Variants in RALGPS1 observed in about 807,000 individuals in gnomAD.
The protein encoded by RALGPS1 is ras-specific guanine nucleotide-releasing factor RalGPS1.
In RALGPS1, 19 loss-of-function variants were observed where a neutral mutation model predicts 78.8. The observed-to-expected ratio is 0.24, with a 90% CI of 0.17 to 0.35. RALGPS1 has a LOEUF of 0.35. RALGPS1 is among the 10% of genes least tolerant of loss of function. The pLI is 1.00. For synonymous variants in RALGPS1, 228 were observed against 256.3 expected, an observed-to-expected ratio of 0.89 and a Z score of 1.06; for missense variants, 454 against 688.3, an observed-to-expected ratio of 0.66 and a Z score of 3.81.
At chr9:127,121,778 G>A (rs1010243745) in intron 8 of RALGPS1, among the ~76,000 whole-genome samples, 24 of 152,170 alleles carry the variant, frequency 1.6e-4, no homozygotes, top group African/African-American at 4.6e-4. Context: ...TGCTCTCCTC[G>A]CCAGCTGGAG....
At chr9:126,991,219 C>T (rs1267121599) in intron 4 of RALGPS1, among the ~76,000 whole-genome samples, 1 of 152,150 alleles carries the variant, frequency 6.6e-6, no homozygotes. Flanking sequence ...TCCCCAACTC[C>T]ATTTATTTCA....
rs146231758 is a variant in RALGPS1, at chr9:127,172,776, G to T, written c.843-1939G>T. Among the ~76,000 whole-genome samples, 999 of 151,688 alleles carry T rather than the reference G, an allele frequency of 6.6e-3. 8 individuals are homozygous for T. Among genetic ancestry groups the T allele is most frequent in the Admixed American group, 0.013 (193 of 15,236 alleles). On this transcript the variant is annotated intron_variant, in intron 10 of 18. Transcript: ENST00000259351. ...TCATTTTTCGGGTTTTGTTTTACTT[G>T]TGTTTGTAATAAGTTGTTCCACTGC...
intron 11 of RALGPS1, among the ~76,000 whole-genome samples, chr9:127,190,965 T>C (rs1161896153): frequency 6.6e-6 from 1 of 152,224 alleles, no homozygotes; most frequent in Non-Finnish European, 1.5e-5. Context: ...TTTACTCTCA[T>C]TTGCATTTCC....
chr9:127,078,103 G>A (rs903749020), intron 8 of RALGPS1, among the ~76,000 whole-genome samples: 2 of 145,090 alleles, frequency 1.4e-5, no homozygotes, highest in Non-Finnish European at 3.1e-5. Context: ...GATCCAGCAA[G>A]CAAGGAAAAG....
At chr9:126,977,494 G>T (rs1047137250) in intron 3 of RALGPS1, among the ~76,000 whole-genome samples, 1 of 152,178 alleles carries the variant, frequency 6.6e-6, no homozygotes, top group Admixed American at 6.5e-5. Flanking sequence ...AAAGAAGGGT[G>T]TGGATCAGAA....
intron 7 of RALGPS1, 58 bp from the exon 8 acceptor site, chr9:127,069,172 A>G: frequency 1.4e-6 from 2 of 1,467,766 alleles, no homozygotes; most frequent in South Asian, 2.4e-5. Context: ...ATCCACAGTT[A>G]TCCACTCTTT....
intron 7 of RALGPS1, among the ~76,000 whole-genome samples, chr9:127,053,852 T>C (rs1589230051): frequency 6.6e-6 from 1 of 152,278 alleles, no homozygotes. Context: ...CCTCGCAAAG[T>C]AGAGTGAGAA....
At chr9:127,175,437 A>G (rs997291359) in intron 11 of RALGPS1, among the ~76,000 whole-genome samples, 18 of 152,224 alleles carry the variant, frequency 1.2e-4, no homozygotes, top group African/African-American at 4.3e-4. Flanking sequence ...GACATTGTGA[A>G]AGTGTGCTCA....
chr9:127,033,250 A>G (rs1299955720), intron 4 of RALGPS1, among the ~76,000 whole-genome samples: 1 of 152,096 alleles, frequency 6.6e-6, no homozygotes, highest in African/African-American at 2.4e-5. Context: ...CTGTGTTCCT[A>G]AGTCCAGGGC....
chr9:127,163,082 C>CT (rs1419592629), intron 8 of RALGPS1, among the ~76,000 whole-genome samples: 1 of 152,156 alleles, frequency 6.6e-6, no homozygotes, highest in Non-Finnish European at 1.5e-5. Flanking sequence ...CCATCCTGCT[C>CT]TCCAGTTTCT....
At chr9:127,108,889 C>T in intron 8 of RALGPS1, 1 of 791,308 alleles carries the variant, frequency 1.3e-6, no homozygotes, top group Non-Finnish European at 1.9e-6. Context: ...TCCAAAAACT[C>T]TGCTTCAGGA....
chr9:127,094,145 TCTC>T (rs1010805862), intron 8 of RALGPS1, among the ~76,000 whole-genome samples: 1 of 152,104 alleles, frequency 6.6e-6, no homozygotes, highest in Admixed American at 6.5e-5. Context: ...AAGCTCACTT[TCTC>T]CTCTCACCCG....
rs185703722 is a variant in RALGPS1, at chr9:127,075,287, T to C, written c.610+5931T>C. On this transcript the variant is annotated intron_variant, in intron 8 of 18. Transcript: ENST00000259351. ...AACCAGGTGGACTACATTTCTTATGTTGCATCTGACATATACAAGTCAGAG... is the reference window on the plus strand; with the variant it reads ...AACCAGGTGGACTACATTTCTTATGCTGCATCTGACATATACAAGTCAGAG... Among the ~76,000 whole-genome samples the C allele has an allele frequency of 2.4e-3, 371 of 152,336 alleles. 3 individuals are homozygous for C. The highest frequency in any genetic ancestry group is 8.4e-3 in the African/African-American group (349 of 41,566).
At chr9:127,202,974 A>C (rs1209278700) in intron 14 of RALGPS1, among the ~76,000 whole-genome samples, 4 of 152,304 alleles carry the variant, frequency 2.6e-5, no homozygotes, top group African/African-American at 9.6e-5. Flanking sequence ...ATGATCTCCA[A>C]CCAACCTCGG....
At chr9:126,980,045 C>T (rs2041096408) in intron 4 of RALGPS1, among the ~76,000 whole-genome samples, 1 of 152,162 alleles carries the variant, frequency 6.6e-6, no homozygotes, top group Non-Finnish European at 1.5e-5. Flanking sequence ...CAGACTTGAA[C>T]ATTTTGGATC....
intron 1 of RALGPS1, among the ~76,000 whole-genome samples, chr9:126,946,336 C>T (rs1216298553): frequency 6.6e-6 from 1 of 152,096 alleles, no homozygotes; most frequent in African/African-American, 2.4e-5. Context: ...GAGTTCGAGA[C>T]CATCCTGGCC....
At chr9:126,969,043 C>T (rs1479124522) in intron 3 of RALGPS1, among the ~76,000 whole-genome samples, 5 of 150,334 alleles carry the variant, frequency 3.3e-5, no homozygotes, top group Admixed American at 1.3e-4. Flanking sequence ...AGCGAAACTC[C>T]GTCTCAAAAA....
chr9:126,993,541 T>C (rs2042454521), intron 4 of RALGPS1, among the ~76,000 whole-genome samples: 1 of 152,152 alleles, frequency 6.6e-6, no homozygotes. Flanking sequence ...TTTTTTTTTT[T>C]TTTCTTTTAA....
intron 8 of RALGPS1, among the ~76,000 whole-genome samples, chr9:127,126,052 G>A (rs1433303116): frequency 6.6e-6 from 1 of 152,030 alleles, no homozygotes. Flanking sequence ...GTACTTGGGA[G>A]GGGGCAGTTT....
Sources: allele counts gnomAD v4.1 joint callset (sites outside exome capture counted in the v4.1 genomes callset), GRCh38; gene constraint gnomAD v4.1.1; transcripts MANE v1.5; gene names NCBI Gene and HGNC (gene_info 2026-07-23, HGNC 2026-07-21).